Variants in DIP2B observed in about 807,000 individuals in gnomAD.
DIP2B encodes the protein DIP2 acetate--CoA ligase B (putative).
DIP2B carries 76 observed loss-of-function variants against 198.0 expected under a neutral mutation model. The observed-to-expected ratio is 0.38, with a 90% CI of 0.32 to 0.46. DIP2B has a LOEUF of 0.46. DIP2B is among the 20% of genes least tolerant of loss of function. The pLI, the probability that DIP2B is intolerant of heterozygous loss-of-function variation, is 0.99. For synonymous variants in DIP2B, 701 were observed against 739.1 expected, an observed-to-expected ratio of 0.95 and a Z score of 0.84; for missense variants, 1,559 against 1,978.4, an observed-to-expected ratio of 0.79 and a Z score of 4.02.
chr12:50,592,814 T>A (rs1346693789), intron 1 of DIP2B, among the ~76,000 whole-genome samples: 3 of 152,232 alleles, frequency 2.0e-5, no homozygotes, highest in Non-Finnish European at 2.9e-5. Context: ...ACTAATAGTA[T>A]GATGCTTTTT....
intron 1 of DIP2B, among the ~76,000 whole-genome samples, chr12:50,558,907 C>T (rs1026574211): frequency 6.6e-6 from 1 of 152,202 alleles, no homozygotes; most frequent in East Asian, 1.9e-4. Flanking sequence ...AGAAAAGACT[C>T]CAGAGCCTCC....
chr12:50,531,780 G>A (rs137936873), intron 1 of DIP2B, among the ~76,000 whole-genome samples: 2 of 152,164 alleles, frequency 1.3e-5, no homozygotes, highest in African/African-American at 4.8e-5. Flanking sequence ...TCTGTTCTTT[G>A]TCTCTCTCCT....
chr12:50,695,139 T>G (rs1473546047), intron 14 of DIP2B, 128 bp from the exon 15 acceptor site: 6 of 652,172 alleles, frequency 9.2e-6, no homozygotes, highest in African/African-American at 1.9e-5. Flanking sequence ...TATTTAAGAT[T>G]GTTTTCAAAG....
chr12:50,661,262 G>T (rs1176451676), intron 4 of DIP2B, among the ~76,000 whole-genome samples: 1 of 152,060 alleles, frequency 6.6e-6, no homozygotes, highest in Non-Finnish European at 1.5e-5. Context: ...AAATCTTTGA[G>T]AACAAATTTC....
chr12:50,724,788 C>A lies in DIP2B; in HGVS notation c.3302C>A (p.Ala1101Asp), dbSNP rs141470115. Residue 1101 changes from alanine (A) to aspartate (D), a missense_variant, in exon 28 of 38, where the codon GCC becomes GAC. Coordinates refer to ENST00000301180, the MANE Select transcript of DIP2B (RefSeq NM_173602.3). ...VRMIVDVSKA[A>D]CILTSQTLMR... ...TTTGTTTTCTAGGTCAGCAAAGCAG[C>A]CTGTATTCTCACCAGTCAGACCCTA... The A allele has an allele frequency of 9.9e-6, 16 of 1,614,102 alleles. No homozygotes were observed. The highest frequency in any genetic ancestry group is 1.3e-5 in the Non-Finnish European group (15 of 1,180,004).
chr12:50,706,518 A>G lies in DIP2B; in HGVS notation c.2407-20A>G. ...CTATTTAAATCATGGAAATCAAGGTAAATCATCATTACCTTTCAGGGTAGT... is the reference window on the plus strand; with the variant it reads ...CTATTTAAATCATGGAAATCAAGGTGAATCATCATTACCTTTCAGGGTAGT... On this transcript the variant is annotated intron_variant, in intron 20 of 37. Coordinates refer to ENST00000301180, the MANE Select transcript of DIP2B (RefSeq NM_173602.3). The G allele has an allele frequency of 6.2e-7, 1 of 1,612,348 alleles. No homozygotes were observed. The highest frequency in any genetic ancestry group is 1.1e-5 in the South Asian group (1 of 90,900).
intron 1 of DIP2B, among the ~76,000 whole-genome samples, chr12:50,624,442 C>G (rs969555699): frequency 4.6e-5 from 7 of 152,166 alleles, no homozygotes; most frequent in Non-Finnish European, 2.9e-5. Context: ...AAGCAATTCT[C>G]CTGCCTCAGT....
intron 1 of DIP2B, among the ~76,000 whole-genome samples, chr12:50,582,046 G>A (rs565872044): frequency 6.6e-6 from 1 of 152,136 alleles, no homozygotes. Context: ...AGAGGACACA[G>A]GGCATGGTGG....
At chr12:50,627,613 G>A (rs1396448619) in intron 2 of DIP2B, among the ~76,000 whole-genome samples, 3 of 152,356 alleles carry the variant, frequency 2.0e-5, no homozygotes, top group East Asian at 3.9e-4. Flanking sequence ...ATAGGTGTGA[G>A]CCACCACGCC....
chr12:50,612,557 T>C (rs1959041157), intron 1 of DIP2B, among the ~76,000 whole-genome samples: 1 of 151,692 alleles, frequency 6.6e-6, no homozygotes, highest in Admixed American at 6.6e-5. Context: ...GCCTCCTGAA[T>C]ACCTGAGATT....
intron 3 of DIP2B, among the ~76,000 whole-genome samples, chr12:50,649,327 A>G (rs774643459): frequency 9.2e-5 from 14 of 152,228 alleles, no homozygotes; most frequent in Admixed American, 3.3e-4. Context: ...GAGTGACTGC[A>G]CGTTCTAGAT....
At chr12:50,693,136 T>C in intron 14 of DIP2B, 123 bp downstream of exon 14, 1 of 934,794 alleles carries the variant, frequency 1.1e-6, no homozygotes, top group Non-Finnish European at 1.6e-6. Context: ...GTCAGTAATA[T>C]TTTCCAGAGG....
At chr12:50,630,658 C>CTT (rs1938030076) in intron 2 of DIP2B, among the ~76,000 whole-genome samples, 1 of 84,696 alleles carries the variant, frequency 1.2e-5, no homozygotes, top group African/African-American at 3.9e-5. Flanking sequence ...CGAATTCTTT[C>CTT]TTTTCTTTTT....
At chr12:50,526,852 T>C (rs1362048840) in intron 1 of DIP2B, among the ~76,000 whole-genome samples, 2 of 152,068 alleles carry the variant, frequency 1.3e-5, no homozygotes, top group Non-Finnish European at 2.9e-5. Flanking sequence ...GCCAGGTTGG[T>C]CCCAAACTCC....
chr12:50,578,744 G>A (rs1053929382), intron 1 of DIP2B, among the ~76,000 whole-genome samples: 1 of 151,314 alleles, frequency 6.6e-6, no homozygotes, highest in African/African-American at 2.4e-5. Context: ...TCCTGACCTC[G>A]TGATCTGCCC....
In DIP2B at chr12:50,699,256, C is replaced by T. The variant is rs986173332; in HGVS notation, c.2325+54C>T. On this transcript the variant is annotated intron_variant, in intron 19 of 37. Transcript: ENST00000301180. ...AATGTTTGGGGATTTCAGGATGTTA[C>T]GAGGGCAGATCCCCTGGTTGATGGG... The T allele has an allele frequency of 1.5e-5, 24 of 1,606,164 alleles. 1 individual carries two copies. The highest frequency in any genetic ancestry group is 6.7e-5 in the South Asian group (6 of 90,068).
At chr12:50,623,429 ACACACACACTCTCTCT>A (rs781379167) in intron 1 of DIP2B, among the ~76,000 whole-genome samples, 61 of 49,394 alleles carry the variant, frequency 1.2e-3, no homozygotes, top group Middle Eastern at 0.021. Flanking sequence ...ACACACACAC[ACACACACACTCTCTCT>A]CTCTCTCTCT....
At chr12:50,532,728 A>G (rs1958229412) in intron 1 of DIP2B, among the ~76,000 whole-genome samples, 1 of 152,064 alleles carries the variant, frequency 6.6e-6, no homozygotes, top group Non-Finnish European at 1.5e-5. Context: ...TCAGCTGGGA[A>G]TGTAGGGTGT....
intron 1 of DIP2B, among the ~76,000 whole-genome samples, chr12:50,621,295 A>G (rs1215746481): frequency 6.6e-6 from 1 of 152,160 alleles, no homozygotes; most frequent in Non-Finnish European, 1.5e-5. Flanking sequence ...TGTGATTTAT[A>G]TATTATTCCT....
Sources: gnomAD v4.1 joint callset for allele counts (sites outside exome capture counted in the v4.1 genomes callset) on GRCh38, gnomAD v4.1.1 for gene constraint, MANE v1.5 for transcripts, NCBI Gene and HGNC (gene_info 2026-07-23, HGNC 2026-07-21) for gene names.